TMEM106B: variants seen among roughly 807,000 people sequenced by gnomAD.
TMEM106B encodes transmembrane protein 106B.
In TMEM106B, 15 loss-of-function variants were observed where a neutral mutation model predicts 31.1. The observed-to-expected ratio is 0.48, with a 90% CI of 0.32 to 0.74. The LOEUF is 0.74. TMEM106B is among the 30% of genes least tolerant of loss of function. The pLI is 0.03. For missense variants in TMEM106B, 283 were observed against 327.3 expected, an observed-to-expected ratio of 0.86 and a Z score of 1.04; for synonymous variants, 126 against 112.5, an observed-to-expected ratio of 1.12 and a Z score of -0.76.
intron 2 of TMEM106B, among the ~76,000 whole-genome samples, chr7:12,217,340 C>G (rs1781707826): frequency 6.6e-6 from 1 of 152,024 alleles, no homozygotes; most frequent in South Asian, 2.1e-4. Flanking sequence ...ACATAATGAA[C>G]TAAGAATGAG....
At chr7:12,221,801 C>T (rs772274823) in intron 3 of TMEM106B, among the ~76,000 whole-genome samples, 2 of 152,046 alleles carry the variant, frequency 1.3e-5, no homozygotes, top group South Asian at 4.1e-4. Context: ...GGCAGAGTAC[C>T]AGAAGGTAGA....
chr7:12,235,129 T>C lies in TMEM106B; in HGVS notation c.*3154T>C, dbSNP rs887293086. 1 of 152,348 alleles carries C rather than the reference T, an allele frequency of 6.6e-6. No individual in the cohort carries two copies. Among genetic ancestry groups the C allele is most frequent in the African/African-American group, 2.4e-5 (1 of 41,432 alleles). 9.4% of individuals were successfully genotyped at this position (152,348 alleles called of 1,614,324 possible). On this transcript the variant is annotated 3_prime_UTR_variant, in exon 8 of 8. Transcript: ENST00000396668. The stretch of plus-strand genomic sequence containing the variant: ...GGTAGCATTGTTTTCTAAAATATTT[T>C]AAATGGAGAATGAACACTTATAAAA...
intron 3 of TMEM106B, among the ~76,000 whole-genome samples, chr7:12,222,409 C>G (rs1413406956): frequency 6.6e-6 from 1 of 152,210 alleles, no homozygotes; most frequent in African/African-American, 2.4e-5. Context: ...GTTATGGCTA[C>G]AAACGTGGTA....
intron 2 of TMEM106B, 127 bp from the exon 3 acceptor site, chr7:12,218,331 C>G: frequency 1.7e-6 from 1 of 602,026 alleles, no homozygotes; most frequent in South Asian, 3.0e-5. Flanking sequence ...GAAGACTTAG[C>G]AATTTACTAA....
At chr7:12,225,241 C>G (rs915156014) in intron 4 of TMEM106B, among the ~76,000 whole-genome samples, 10 of 152,250 alleles carry the variant, frequency 6.6e-5, no homozygotes, top group African/African-American at 2.4e-4. Flanking sequence ...TGTATATGTG[C>G]CACGTTTTCT....
At position 12,232,738 on chromosome 7, in the gene TMEM106B, A is replaced by C. The variant is rs1782049967; in HGVS notation, c.*763A>C. 6.6e-6 allele frequency: 1 copy of C among 152,342 alleles called. No individual in the cohort carries two copies. Among genetic ancestry groups the C allele is most frequent in the African/African-American group, 2.4e-5 (1 of 41,426 alleles). 9.4% of individuals were successfully genotyped at this position (152,342 alleles called of 1,614,324 possible). On this transcript the variant is annotated 3_prime_UTR_variant, in exon 8 of 8. Coordinates refer to ENST00000396668, the MANE Select transcript of TMEM106B (RefSeq NM_001134232.2). ...CTGTGCATGGCTTTTATACAGCTTTAGTAAATGTCAAATAAAGTGGTACAG... is the reference window on the plus strand; with the variant it reads ...CTGTGCATGGCTTTTATACAGCTTTCGTAAATGTCAAATAAAGTGGTACAG...
intron 3 of TMEM106B, among the ~76,000 whole-genome samples, chr7:12,221,597 T>A (rs1412171441): frequency 6.6e-6 from 1 of 152,128 alleles, no homozygotes; most frequent in East Asian, 1.9e-4. Context: ...GGGCAGTGAT[T>A]CCTGAGAAAG....
rs1159178731 is a variant in TMEM106B at position 12,240,767 on chromosome 7, G to T, written c.*8792G>T. The T allele has an allele frequency of 6.6e-6, 1 of 151,358 alleles. No homozygotes were observed. The highest frequency in any genetic ancestry group is 2.4e-5 in the African/African-American group (1 of 41,172). 9.4% of individuals were successfully genotyped at this position (151,358 alleles called of 1,614,324 possible). On this transcript the variant is annotated 3_prime_UTR_variant, in exon 8 of 8. Coordinates refer to ENST00000396668, the MANE Select transcript of TMEM106B (RefSeq NM_001134232.2). ...TACTTATTTGTAAATAGCATCTTAT[G>T]AGGAACCTTGATATGTGACAAAACA...
chr7:12,231,673 C>G (rs1199242071), intron 7 of TMEM106B, 164 bp from the exon 8 acceptor site: 12 of 536,244 alleles, frequency 2.2e-5, no homozygotes, highest in Non-Finnish European at 3.8e-5. Flanking sequence ...TTTTTGTTGT[C>G]TGTTGGGGAA....
rs1233775266 is a variant in TMEM106B at position 12,238,557 on chromosome 7, A to G, written c.*6582A>G. 1.3e-5 allele frequency: 2 copies of G among 152,224 alleles called. No homozygotes were observed. The highest frequency in any genetic ancestry group is 4.8e-5 in the African/African-American group (2 of 41,448). 9.4% of individuals were successfully genotyped at this position (152,224 alleles called of 1,614,324 possible). On this transcript the variant is annotated 3_prime_UTR_variant, in exon 8 of 8. Transcript: ENST00000396668. The stretch of plus-strand genomic sequence containing the variant: ...TTACTTTGCCCAGATCCATCAGAGG[A>G]ATCACTACCTATGACAGCTATGGTC...
rs374949527 is a variant in TMEM106B, at chr7:12,224,396, A to G, written c.441+11A>G. Reference sequence around the variant, plus strand: ...TATTTAAATATCACAGTGAGTATAAATTTATATGAAAAATGTTTAACTTCA... The same window carrying G: ...TATTTAAATATCACAGTGAGTATAAGTTTATATGAAAAATGTTTAACTTCA... On this transcript the variant is annotated intron_variant, in intron 4 of 7. Transcript: ENST00000396668. 15 of 1,591,364 alleles carry G rather than the reference A, an allele frequency of 9.4e-6. No individual in the cohort carries two copies. Among genetic ancestry groups the G allele is most frequent in the Admixed American group, 1.7e-5 (1 of 59,354 alleles).
At position 12,238,644 on chromosome 7, in the gene TMEM106B, C is replaced by T. The variant is rs1782186217; in HGVS notation, c.*6669C>T. ...GTCAAATTTACTCCCTGATCCATGG[C>T]TGCAGAATGCACGTTGTGTTAAGAG... On this transcript the variant is annotated 3_prime_UTR_variant, in exon 8 of 8. Transcript: ENST00000396668. 2 of 152,152 alleles carry T rather than the reference C, an allele frequency of 1.3e-5. No individual in the cohort carries two copies. Among genetic ancestry groups the T allele is most frequent in the Non-Finnish European group, 2.9e-5 (2 of 68,012 alleles). 9.4% of individuals were successfully genotyped at this position (152,152 alleles called of 1,614,324 possible). A position where few individuals can be genotyped will look rare whatever the true frequency, so the allele number is the denominator to read the frequency against.
intron 7 of TMEM106B, chr7:12,231,329 C>T: frequency 4.5e-6 from 2 of 449,078 alleles, no homozygotes; most frequent in Non-Finnish European, 7.8e-6. Flanking sequence ...AGTAGTGAAT[C>T]TGGATGTCAC....
At chr7:12,223,192 T>G (rs1781821537) in intron 3 of TMEM106B, among the ~76,000 whole-genome samples, 1 of 152,118 alleles carries the variant, frequency 6.6e-6, no homozygotes, top group Non-Finnish European at 1.5e-5. Context: ...CTTTTCTTGA[T>G]TAGAAAAAGA....
intron 3 of TMEM106B, among the ~76,000 whole-genome samples, chr7:12,218,960 A>G (rs1294048149): frequency 6.6e-6 from 1 of 152,148 alleles, no homozygotes; most frequent in Non-Finnish European, 1.5e-5. Flanking sequence ...CACAAAGCAA[A>G]TACTTTGTCC....
rs1011606481 is a variant in TMEM106B, at chr7:12,236,019, T to C, written c.*4044T>C. 2 of 151,866 alleles carry C rather than the reference T, an allele frequency of 1.3e-5. No homozygotes were observed. Among genetic ancestry groups the C allele is most frequent in the Non-Finnish European group, 2.9e-5 (2 of 67,828 alleles). The allele number at this position is 151,866 out of a possible 1,614,324, so 9.4% of individuals were successfully genotyped here. On this transcript the variant is annotated 3_prime_UTR_variant, in exon 8 of 8. Transcript: ENST00000396668. ...GACTATTTTAGGGAAAAATTTTACA[T>C]GTTTGAGATGGTGGAGTAAAAAGAC...
intron 5 of TMEM106B, 41 bp downstream of exon 5, chr7:12,229,860 A>C (rs1164070564): frequency 6.4e-7 from 1 of 1,560,332 alleles, no homozygotes; most frequent in African/African-American, 1.4e-5. Context: ...AGTTAAATGA[A>C]TGTCAGCTTT....
intron 3 of TMEM106B, 25 bp from the exon 4 acceptor site, chr7:12,224,201 T>TTAAA (rs1455173866): frequency 8.7e-6 from 14 of 1,602,076 alleles, no homozygotes; most frequent in South Asian, 5.6e-5. Flanking sequence ...GCACATGTAC[T>TTAAA]TAAATACCCT....
At chr7:12,230,980 T>C in intron 6 of TMEM106B, 82 bp from the exon 7 acceptor site, 1 of 917,600 alleles carries the variant, frequency 1.1e-6, no homozygotes, top group Non-Finnish European at 1.7e-6. Flanking sequence ...TTAGCATCTC[T>C]GTTAGCTTTA....
Sources: allele counts gnomAD v4.1 joint callset (sites outside exome capture counted in the v4.1 genomes callset), GRCh38; gene constraint gnomAD v4.1.1; transcripts MANE v1.5; gene names NCBI Gene and HGNC (gene_info 2026-07-23, HGNC 2026-07-21).